GNPTAB: variants seen among roughly 807,000 people sequenced by gnomAD.
The protein encoded by GNPTAB is N-acetylglucosamine-1-phosphotransferase subunits alpha/beta.
A neutral mutation model predicts 136.6 loss-of-function variants in GNPTAB; 92 were observed. The ratio of observed to expected loss-of-function variants is 0.67; its 90% CI spans 0.57 to 0.80. GNPTAB has a LOEUF of 0.80. GNPTAB is among the 30% of genes least tolerant of loss of function. The pLI is 0.00. For missense variants in GNPTAB, 1,343 were observed against 1,501.8 expected (o/e 0.89, Z 1.75); for synonymous variants, 512 against 535.1 (o/e 0.96, Z 0.60).
At chr12:101,798,596 G>A (rs1046194247) in intron 1 of GNPTAB, among the ~76,000 whole-genome samples, 30 of 152,276 alleles carry the variant, frequency 2.0e-4, no homozygotes, top group East Asian at 9.6e-4. Flanking sequence ...ACATGGTACC[G>A]TTTGCAATTG....
intron 5 of GNPTAB, among the ~76,000 whole-genome samples, chr12:101,781,864 A>G (rs1292500652): frequency 1.3e-5 from 2 of 152,220 alleles, no homozygotes; most frequent in Non-Finnish European, 2.9e-5. Flanking sequence ...CAGACCTGGT[A>G]TATGTATTTG....
intron 1 of GNPTAB, among the ~76,000 whole-genome samples, chr12:101,816,621 T>C (rs900012067): frequency 5.9e-5 from 9 of 152,226 alleles, no homozygotes; most frequent in Admixed American, 1.3e-4. Flanking sequence ...ATAGCCACTA[T>C]GGAAAACACT....
chr12:101,795,226 C>T (rs572857928), intron 2 of GNPTAB, among the ~76,000 whole-genome samples: 6 of 152,262 alleles, frequency 3.9e-5, no homozygotes, highest in South Asian at 2.1e-4. Flanking sequence ...GAAACCTATA[C>T]GCAGAAACTC....
At chr12:101,786,699 A>G (rs1422816837) in intron 4 of GNPTAB, among the ~76,000 whole-genome samples, 3 of 152,222 alleles carry the variant, frequency 2.0e-5, no homozygotes, top group Admixed American at 6.5e-5. Context: ...TTCTAAAATA[A>G]ATTTATATGA....
At chr12:101,770,373 TCA>T in intron 9 of GNPTAB, 31 bp downstream of exon 9, 1 of 1,524,076 alleles carries the variant, frequency 6.6e-7, no homozygotes, top group Non-Finnish European at 9.1e-7. Context: ...GAATTAGAAA[TCA>T]CAGTCTTGTA....
At chr12:101,819,016 C>CT (rs112486354) in intron 1 of GNPTAB, among the ~76,000 whole-genome samples, 3,073 of 145,388 alleles carry the variant, frequency 0.021, 37 homozygotes, top group African/African-American at 0.028. Flanking sequence ...ACTCTTTTTC[C>CT]TTTTTTTTTT....
chr12:101,801,888 G>GA (rs1170606230), intron 1 of GNPTAB, among the ~76,000 whole-genome samples: 2 of 151,538 alleles, frequency 1.3e-5, no homozygotes, highest in Non-Finnish European at 2.9e-5. Flanking sequence ...TCAAAAAAAA[G>GA]AAAAAATTTT....
intron 1 of GNPTAB, among the ~76,000 whole-genome samples, chr12:101,817,174 T>C (rs1258685461): frequency 6.6e-6 from 1 of 151,314 alleles, no homozygotes; most frequent in Non-Finnish European, 1.5e-5. Context: ...TCAAAATAGC[T>C]AAAAGTGAAG....
intron 7 of GNPTAB, among the ~76,000 whole-genome samples, chr12:101,776,981 C>A (rs1003385899): frequency 6.6e-6 from 1 of 152,200 alleles, no homozygotes; most frequent in Non-Finnish European, 1.5e-5. Flanking sequence ...GCGACGTACA[C>A]CCCTAATGCA....
intron 1 of GNPTAB, among the ~76,000 whole-genome samples, chr12:101,819,155 G>A (rs1464690218): frequency 6.6e-6 from 1 of 152,006 alleles, no homozygotes; most frequent in Non-Finnish European, 1.5e-5. Flanking sequence ...GGGATTACAG[G>A]TGCCCGCCAC....
rs1480385662 is a variant in GNPTAB, at chr12:101,764,424, T to C, written c.2493A>G (p.Thr831=). 6 of 1,613,356 alleles carry C rather than the reference T, an allele frequency of 3.7e-6. No individual in the cohort carries two copies. The highest frequency in any genetic ancestry group is 1.3e-5 in the African/African-American group (1 of 74,890). ...CAATCAGAGATGGGGGCTTTTCTTTTGTCACATTTCCGCCTATGGTTTTTT... is the reference window on the plus strand; with the variant it reads ...CAATCAGAGATGGGGGCTTTTCTTTCGTCACATTTCCGCCTATGGTTTTTT... ...HTQKTIGGNV[T]KEKPPSLIVP... The change falls in exon 13 of 21, where the codon ACA becomes ACG. Residue 831 remains threonine, a synonymous_variant. Coordinates refer to ENST00000299314, the MANE Select transcript of GNPTAB (RefSeq NM_024312.5).
At chr12:101,824,284 T>C (rs1870958569) in intron 1 of GNPTAB, among the ~76,000 whole-genome samples, 1 of 151,464 alleles carries the variant, frequency 6.6e-6, no homozygotes, top group Middle Eastern at 3.4e-3. Flanking sequence ...TGTTCTCATA[T>C]GAGGAGAGCT....
In GNPTAB at chr12:101,753,402, C is replaced by T. The variant is rs376398528; in HGVS notation, c.3572G>A (p.Arg1191His). The T allele has an allele frequency of 2.5e-5, 40 of 1,613,882 alleles. No individual in the cohort carries two copies. The highest frequency in any genetic ancestry group is 2.5e-4 in the East Asian group (11 of 44,868). The change falls in exon 19 of 21, where the codon CGT (arginine) becomes CAT (histidine). Residue 1191 changes from arginine (R) to histidine (H), a missense_variant. Coordinates refer to ENST00000299314, the MANE Select transcript of GNPTAB (RefSeq NM_024312.5). The stretch of plus-strand genomic sequence containing the variant: ...CTGCAGCTCATGCATATGAAGGAAA[C>T]GGTTTCGATACTCTCTTGGCAGTTC... Reference protein sequence around the residue: ...QFELPREYRNRFLHMHELQEW... With the variant: ...QFELPREYRNHFLHMHELQEW...
chr12:101,770,650 TC>T, intron 8 of GNPTAB, 65 bp from the exon 9 acceptor site: 2 of 1,139,618 alleles, frequency 1.8e-6, no homozygotes, highest in Non-Finnish European at 1.3e-6. Context: ...CTCCTCTTTG[TC>T]CTTTCCTTCT....
chr12:101,818,095 C>T (rs963251810), intron 1 of GNPTAB, among the ~76,000 whole-genome samples: 1 of 152,178 alleles, frequency 6.6e-6, no homozygotes, highest in African/African-American at 2.4e-5. Context: ...ATGCTGCAGC[C>T]CTTTAGAACT....
intron 20 of GNPTAB, among the ~76,000 whole-genome samples, chr12:101,748,526 C>A (rs995363654): frequency 6.6e-6 from 1 of 152,136 alleles, no homozygotes; most frequent in African/African-American, 2.4e-5. Flanking sequence ...AATCTCCCTC[C>A]GACTTCTGGA....
intron 1 of GNPTAB, among the ~76,000 whole-genome samples, chr12:101,827,580 T>G (rs531225111): frequency 1.3e-5 from 2 of 152,112 alleles, no homozygotes; most frequent in African/African-American, 4.8e-5. Flanking sequence ...TTCTCGAAGT[T>G]TGGATGAATA....
intron 2 of GNPTAB, among the ~76,000 whole-genome samples, chr12:101,794,125 G>A (rs958693170): frequency 1.3e-5 from 2 of 152,170 alleles, no homozygotes; most frequent in African/African-American, 4.8e-5. Flanking sequence ...TTACAGGCGT[G>A]AGCCACCGTG....
chr12:101,783,358 TGA>T (rs1868454224), intron 5 of GNPTAB, among the ~76,000 whole-genome samples: 1 of 152,152 alleles, frequency 6.6e-6, no homozygotes, highest in African/African-American at 2.4e-5. Context: ...GACAAGTCCC[TGA>T]GAGACAGCCA....
Sources: gnomAD v4.1 joint callset for allele counts (sites outside exome capture counted in the v4.1 genomes callset) on GRCh38, gnomAD v4.1.1 for gene constraint, MANE v1.5 for transcripts, NCBI Gene and HGNC (gene_info 2026-07-23, HGNC 2026-07-21) for gene names.